The following CCDC102B variants were observed in gnomAD, a reference collection of about 807,000 sequenced individuals.
The protein encoded by CCDC102B is coiled-coil domain-containing protein 102B.
In CCDC102B, 75 loss-of-function variants were observed where a neutral mutation model predicts 57.4. The observed-to-expected ratio is 1.31, with a 90% confidence interval of 1.08 to 1.58. The LOEUF (loss-of-function observed/expected upper bound fraction) is 1.58. Among genes scored for constraint, CCDC102B ranks in the 40% most tolerant of loss-of-function variants. The pLI is 0.00. For missense variants in CCDC102B, 636 were observed against 582.6 expected (o/e 1.09, Z -0.94); for synonymous variants, 206 against 201.9 (o/e 1.02, Z -0.17).
chr18:68,773,345 G>C (rs1414233238), intron 2 of CCDC102B, among the ~76,000 whole-genome samples: 1 of 151,980 alleles, frequency 6.6e-6, no homozygotes, highest in Admixed American at 6.6e-5. Flanking sequence ...AATATGCTCT[G>C]AAATATCCAA....
chr18:68,758,938 T>TAA (rs551606637), intron 2 of CCDC102B, among the ~76,000 whole-genome samples: 1 of 125,630 alleles, frequency 8.0e-6, no homozygotes, highest in Admixed American at 7.7e-5. Flanking sequence ...GAAAAAAACC[T>TAA]AAAAAAAAAA....
chr18:68,727,955 C>T (rs1056405365), intron 2 of CCDC102B, among the ~76,000 whole-genome samples: 1 of 152,190 alleles, frequency 6.6e-6, no homozygotes, highest in Non-Finnish European at 1.5e-5. Flanking sequence ...ATACCCCTGT[C>T]TCAGATATTG....
chr18:69,011,240 T>A, intron 7 of CCDC102B, 136 bp downstream of exon 7: 1 of 777,818 alleles, frequency 1.3e-6, no homozygotes, highest in Non-Finnish European at 2.0e-6. Flanking sequence ...GAAATCAATT[T>A]AAAAAGAGTA....
chr18:68,726,161 G>A (rs971484376), intron 2 of CCDC102B, among the ~76,000 whole-genome samples: 12 of 152,258 alleles, frequency 7.9e-5, no homozygotes, highest in African/African-American at 2.9e-4. Flanking sequence ...CTTACCTGAA[G>A]GTATAATTGG....
intron 2 of CCDC102B, among the ~76,000 whole-genome samples, chr18:68,741,548 G>T (rs1568226958): frequency 6.6e-6 from 1 of 152,024 alleles, no homozygotes; most frequent in Non-Finnish European, 1.5e-5. Context: ...CTCAGGAATA[G>T]GATTGCCAAT....
chr18:69,009,125 A>G (rs2051430621), intron 6 of CCDC102B, among the ~76,000 whole-genome samples: 1 of 152,214 alleles, frequency 6.6e-6, no homozygotes, highest in African/African-American at 2.4e-5. Flanking sequence ...TTAAAAAAAT[A>G]TTGCCAGTGT....
chr18:68,846,541 T>G, intron 4 of CCDC102B, 120 bp downstream of exon 4: 1 of 544,520 alleles, frequency 1.8e-6, no homozygotes, highest in East Asian at 3.5e-5. Context: ...AAATTGGAAT[T>G]TCCTCTATAA....
intron 1 of CCDC102B, among the ~76,000 whole-genome samples, chr18:68,819,408 G>A (rs747064064): frequency 6.6e-6 from 1 of 151,704 alleles, no homozygotes; most frequent in African/African-American, 2.4e-5. Context: ...ATCCATGTTC[G>A]GACTCTTAAT....
chr18:68,823,290 G>A (rs886770784), intron 1 of CCDC102B: 7 of 152,228 alleles, frequency 4.6e-5, no homozygotes, highest in African/African-American at 1.4e-4. Context: ...CTCCCTGTCT[G>A]TAGAGTGTAT....
chr18:68,765,320 G>GAAAGAAAAGAAAGAAA lies in CCDC102B; in HGVS notation c.-67+48726_-67+48727insAAAGAAAAGAAAGAAA, dbSNP rs1568238728. ...AGGAAGGAAGGAAGGAAGGAAGGAA[G>GAAAGAAAAGAAAGAAA]GAAGGAAAGAAAGAAAGAAAGAAAG... On this transcript the variant is annotated intron_variant, in intron 2 of 3. Coordinates refer to the CCDC102B transcript ENST00000578970. 2.5e-3 allele frequency among the ~76,000 whole-genome samples: 103 copies of GAAAGAAAAGAAAGAAA among 40,644 alleles called. 1 individual carries two copies. Among genetic ancestry groups the GAAAGAAAAGAAAGAAA allele is most frequent in the Non-Finnish European group, 3.7e-3 (72 of 19,230 alleles). 26.7% of individuals were successfully genotyped at this position (40,644 alleles called of 152,430 possible).
At chr18:68,993,902 G>A (rs1006999801) in intron 6 of CCDC102B, among the ~76,000 whole-genome samples, 10 of 152,068 alleles carry the variant, frequency 6.6e-5, no homozygotes, top group Admixed American at 4.6e-4. Context: ...CATAGTGTAC[G>A]CCTACACTGT....
chr18:68,756,272 A>AATCTAATGGT (rs143001308), intron 2 of CCDC102B, among the ~76,000 whole-genome samples: 11,186 of 152,142 alleles, frequency 0.074, 796 homozygotes, highest in African/African-American at 0.18. Flanking sequence ...ACAGTAAATT[A>AATCTAATGGT]ATCTATAGCT....
intron 1 of CCDC102B, among the ~76,000 whole-genome samples, chr18:68,825,561 G>T (rs28368301): frequency 6.6e-6 from 1 of 152,008 alleles, no homozygotes. Context: ...ATGGTGGTGC[G>T]TGCCTGTAGC....
At chr18:68,843,135 A>G (rs1449334552) in intron 3 of CCDC102B, among the ~76,000 whole-genome samples, 2 of 152,202 alleles carry the variant, frequency 1.3e-5, no homozygotes, top group Non-Finnish European at 1.5e-5. Flanking sequence ...CAGTGCTGAA[A>G]GATGTAATTA....
At chr18:69,047,601 C>T (rs1227702393) in intron 7 of CCDC102B, among the ~76,000 whole-genome samples, 3 of 152,022 alleles carry the variant, frequency 2.0e-5, no homozygotes, top group African/African-American at 7.2e-5. Flanking sequence ...GTGAGACTAT[C>T]CCTGTTTGCA....
At chr18:69,057,276 C>T (rs920331573), downstream of CCDC102B, among the ~76,000 whole-genome samples, 5 of 152,058 alleles carry the variant, frequency 3.3e-5, no homozygotes. Context: ...AACTTAGTAG[C>T]TTAAAACATA....
chr18:68,996,453 G>C (rs188055951), intron 6 of CCDC102B, among the ~76,000 whole-genome samples: 6 of 152,212 alleles, frequency 3.9e-5, no homozygotes, highest in African/African-American at 7.2e-5. Context: ...CGGCCTATTG[G>C]GGGACTTTAC....
upstream of CCDC102B, among the ~76,000 whole-genome samples, chr18:68,793,890 T>C (rs890481353): frequency 3.3e-5 from 5 of 152,166 alleles, no homozygotes; most frequent in South Asian, 2.1e-4. Context: ...CCCACAGATA[T>C]GGTGAGAGAT....
chr18:68,903,050 C>A (rs2040506438), intron 6 of CCDC102B, among the ~76,000 whole-genome samples: 2 of 151,950 alleles, frequency 1.3e-5, no homozygotes, highest in South Asian at 4.1e-4. Context: ...CATCGTCGTA[C>A]TAAAAAATAA....
Sources: gnomAD v4.1 joint callset for allele counts (sites outside exome capture counted in the v4.1 genomes callset) on GRCh38, gnomAD v4.1.1 for gene constraint, MANE v1.5 for transcripts, NCBI Gene and HGNC (gene_info 2026-07-23, HGNC 2026-07-21) for gene names.